ADGRL1: variants seen among roughly 807,000 people sequenced by gnomAD.
The protein encoded by ADGRL1 is adhesion G protein-coupled receptor L1.
ADGRL1 carries 31 observed loss-of-function variants against 148.9 expected under a neutral mutation model. The ratio of observed to expected loss-of-function variants is 0.21; its 90% confidence interval spans 0.16 to 0.28. The LOEUF is 0.28. ADGRL1 is among the 10% of genes least tolerant of loss of function. The probability of loss-of-function intolerance (pLI) is 1.00; values close to 1 mark genes in which losing one functional copy is unlikely to be tolerated. For missense variants in ADGRL1, 1,521 were observed against 2,058.8 expected, an observed-to-expected ratio of 0.74 and a Z score of 5.05; for synonymous variants, 937 against 900.3, an observed-to-expected ratio of 1.04 and a Z score of -0.73.
At chr19:14,156,002 T>C (rs1968694545) in intron 17 of ADGRL1, 108 bp downstream of exon 17, 1 of 795,652 alleles carries the variant, frequency 1.3e-6, no homozygotes, top group Non-Finnish European at 2.1e-6. Context: ...TTGCAATGTG[T>C]GTCACCAGAG....
At chr19:14,203,795 G>T (rs955446331) in intron 1 of ADGRL1, among the ~76,000 whole-genome samples, 39 of 149,992 alleles carry the variant, frequency 2.6e-4, no homozygotes, top group Admixed American at 8.0e-4. Context: ...CCAAGAGCAG[G>T]AATCAGCGTG....
chr19:14,163,465 G>GGGGAGAGAGAGAGA (rs1555785179), intron 4 of ADGRL1, 59 bp from the exon 5 acceptor site: 3 of 702,290 alleles, frequency 4.3e-6, no homozygotes, highest in Middle Eastern at 3.9e-4. Flanking sequence ...GCGAGAGGGA[G>GGGGAGAGAGAGAGA]GAGAGAGAGA....
chr19:14,157,602 C>T lies in ADGRL1; in HGVS notation c.2536-142G>A. ...GCCGCCAACCTGGCAGCCCTCACCC[C>T]TCTGCACGCAGCAATGCGCTCACTT... On this transcript the variant is annotated intron_variant, in intron 13 of 22. Coordinates refer to ENST00000361434, the MANE Select transcript of ADGRL1 (RefSeq NM_014921.5). The surrounding 1 kb of genome is among the most constrained non-coding windows in gnomAD (Gnocchi z 7.5). 2.4e-6 allele frequency: 2 copies of T among 834,596 alleles called. No homozygotes were observed. The highest frequency in any genetic ancestry group is 3.8e-6 in the Non-Finnish European group (2 of 530,246). The allele number at this position is 834,596 out of a possible 1,614,324, so 51.7% of individuals were successfully genotyped here. A position where few individuals can be genotyped will look rare whatever the true frequency, so the allele number is the denominator to read the frequency against.
At chr19:14,182,394 A>G (rs572328738) in intron 2 of ADGRL1, among the ~76,000 whole-genome samples, 2 of 152,322 alleles carry the variant, frequency 1.3e-5, no homozygotes, top group South Asian at 4.1e-4. Flanking sequence ...CCAGGGACCC[A>G]GATGCCCCAA....
At chr19:14,164,257 C>T (rs544457103) in intron 4 of ADGRL1, among the ~76,000 whole-genome samples, 147 of 152,088 alleles carry the variant, frequency 9.7e-4, no homozygotes, top group Admixed American at 3.1e-3. Context: ...CAGCAGCAGA[C>T]AGTGGCACTG....
At chr19:14,172,806 CCT>C (rs1360970724) in intron 3 of ADGRL1, among the ~76,000 whole-genome samples, 2 of 152,136 alleles carry the variant, frequency 1.3e-5, no homozygotes, top group African/African-American at 2.4e-5. Flanking sequence ...GTATTTGCTC[CCT>C]GTCTGTTAGT....
At chr19:14,190,987 C>G (rs1971895338) in intron 1 of ADGRL1, 1 of 418,010 alleles carries the variant, frequency 2.4e-6, no homozygotes, top group African/African-American at 2.0e-5. Flanking sequence ...ACTCGGGAGG[C>G]TGAGGTAGGA....
intron 1 of ADGRL1, among the ~76,000 whole-genome samples, chr19:14,204,694 TAGAGAAAGACAGAGAGAGTGAGA>T: frequency 7.6e-6 from 1 of 130,832 alleles, no homozygotes; most frequent in African/African-American, 3.1e-5. Context: ...CAGAGAGAGA[TAGAGAAAGACAGAGAGAGTGAGA>T]GAGAGAGAGA....
At position 14,152,232 on chromosome 19, in the gene ADGRL1, A is replaced by T; in HGVS notation, c.3649+77T>A. The T allele has an allele frequency of 1.2e-6, 2 of 1,614,016 alleles. No individual in the cohort carries two copies. Among genetic ancestry groups the T allele is most frequent in the Non-Finnish European group, 8.5e-7 (1 of 1,179,966 alleles). The stretch of plus-strand genomic sequence containing the variant: ...AGTCCAGGCTCCAGTTCTGGGGCAC[A>T]GAACATCCCATGCAGAGGTCCCTTG... On this transcript the variant is annotated intron_variant, in intron 21 of 22. Coordinates refer to ENST00000361434, the MANE Select transcript of ADGRL1 (RefSeq NM_014921.5). This position sits in a 1 kb window ranked among gnomAD's most constrained non-coding sequence, Gnocchi z 6.1.
chr19:14,162,519 G>C lies in ADGRL1; in HGVS notation c.1195+87C>G. 1 of 1,205,754 alleles carries C rather than the reference G, an allele frequency of 8.3e-7. No individual in the cohort carries two copies. Among genetic ancestry groups the C allele is most frequent in the Admixed American group, 1.9e-5 (1 of 51,310 alleles). 74.7% of individuals were successfully genotyped at this position (1,205,754 alleles called of 1,614,324 possible). On this transcript the variant is annotated intron_variant, in intron 5 of 22. Transcript: ENST00000361434. The surrounding 1 kb of genome is among the most constrained non-coding windows in gnomAD (Gnocchi z 5.4). ...CGATCCCCAAGAGCTCACAGGATGGGGCTCCCCACTCTGGGACCCAGGGGT... is the reference window on the plus strand; with the variant it reads ...CGATCCCCAAGAGCTCACAGGATGGCGCTCCCCACTCTGGGACCCAGGGGT...
At chr19:14,167,081 T>A (rs968420413) in intron 4 of ADGRL1, 1 of 1,473,196 alleles carries the variant, frequency 6.8e-7, no homozygotes, top group East Asian at 2.3e-5. Context: ...AAAAAAAATG[T>A]GCAAGAAAAA....
chr19:14,149,812 GAGA>G lies in ADGRL1; in HGVS notation c.*1058_*1060del, dbSNP rs1967977200. 1 of 152,390 alleles carries G rather than the reference GAGA, an allele frequency of 6.6e-6. No homozygotes were observed. Among genetic ancestry groups the G allele is most frequent in the Non-Finnish European group, 1.5e-5 (1 of 67,936 alleles). The allele number at this position is 152,390 out of a possible 1,614,324, so 9.4% of individuals were successfully genotyped here. A position where few individuals can be genotyped will look rare whatever the true frequency, so the allele number is the denominator to read the frequency against. On this transcript the variant is annotated 3_prime_UTR_variant, in exon 23 of 23. Coordinates refer to ENST00000361434, the MANE Select transcript of ADGRL1 (RefSeq NM_014921.5). ...CGGGGACTGGGGATGCACGTACACGGAGAAGTCCTGGCTGCCAGGCCAGCAGCG... is the reference window on the plus strand; with the variant it reads ...CGGGGACTGGGGATGCACGTACACGGAGTCCTGGCTGCCAGGCCAGCAGCG...
Position 14,156,728 on chromosome 19 carries a change from T to C in ADGRL1, c.2967-4A>G, listed in dbSNP as rs751490168. On this transcript the variant is annotated splice_polypyrimidine_tract_variant and splice_region_variant and intron_variant, in intron 15 of 22. Coordinates refer to ENST00000361434, the MANE Select transcript of ADGRL1 (RefSeq NM_014921.5). Reference sequence around the variant, plus strand: ...ATTGTCCACTCGGAGCCAGCAGCTGTAAAGGAAACAGGGCCGGGGTATAGA... The same window carrying C: ...ATTGTCCACTCGGAGCCAGCAGCTGCAAAGGAAACAGGGCCGGGGTATAGA... 3.0e-5 allele frequency: 48 copies of C among 1,607,588 alleles called. No homozygotes were observed. Among genetic ancestry groups the C allele is most frequent in the Non-Finnish European group, 3.9e-5 (46 of 1,177,212 alleles).
chr19:14,205,718 T>C (rs1972956675), intron 1 of ADGRL1, among the ~76,000 whole-genome samples: 1 of 141,290 alleles, frequency 7.1e-6, no homozygotes, highest in Non-Finnish European at 1.5e-5. Flanking sequence ...CCAGGCACCC[T>C]GCGGTAGCCC....
At chr19:14,156,588 C>T in intron 16 of ADGRL1, 70 bp downstream of exon 16, 1 of 1,027,650 alleles carries the variant, frequency 9.7e-7, no homozygotes. Flanking sequence ...GGGGCGGGGG[C>T]AGGGGCTGGG....
intron 3 of ADGRL1, 197 bp from the exon 4 acceptor site, chr19:14,170,988 G>A (rs1274581369): frequency 7.5e-6 from 4 of 535,804 alleles, no homozygotes; most frequent in Non-Finnish European, 6.8e-6. Context: ...AGTGTTGGAG[G>A]TGGGGCCTGG....
intron 1 of ADGRL1, among the ~76,000 whole-genome samples, chr19:14,185,549 C>T (rs1013812549): frequency 6.6e-6 from 1 of 152,168 alleles, no homozygotes; most frequent in East Asian, 1.9e-4. Flanking sequence ...CCACCTCAGT[C>T]TCCCAAAGTG....
At position 14,158,512 on chromosome 19, in the gene ADGRL1, G is replaced by A. The variant is rs1969003480; in HGVS notation, c.2190C>T (p.Gly730=). Reference sequence around the variant, plus strand: ...TGGCATTCTCCGTGGACAGGAAGAGGCCCAGGTTGTTGTAGAGGATGAAGA... The same window carrying A: ...TGGCATTCTCCGTGGACAGGAAGAGACCCAGGTTGTTGTAGAGGATGAAGA... ...KVVFILYNNL[G]LFLSTENATV... Residue 730 remains glycine (G), a synonymous_variant, in exon 12 of 23, where the codon GGC becomes GGT. Transcript: ENST00000361434. 2 of 1,613,968 alleles carry A rather than the reference G, an allele frequency of 1.2e-6. No homozygotes were observed. The highest frequency in any genetic ancestry group is 2.7e-5 in the African/African-American group (2 of 74,932).
Position 14,162,739 on chromosome 19 carries a change from G to A in ADGRL1, c.1062C>T (p.Ser354=), listed in dbSNP as rs768253818. ...NTNANREEPV[S]LTFPNPYQFI... is the part of the protein sequence containing the mutation. ...ACTGGTAGGGGTTGGGGAAGGTGAG[G>A]CTGACAGGCTCCTCGCGGTTGGCAT... Residue 354 remains serine (S), a synonymous_variant, in exon 5 of 23, where the codon AGC becomes AGT. Coordinates refer to ENST00000361434, the MANE Select transcript of ADGRL1 (RefSeq NM_014921.5). This position sits in a 1 kb window ranked among gnomAD's most constrained non-coding sequence, Gnocchi z 5.4. The A allele has an allele frequency of 1.3e-5, 21 of 1,614,110 alleles. No individual in the cohort carries two copies. The highest frequency in any genetic ancestry group is 1.8e-5 in the Non-Finnish European group (21 of 1,180,048).
Sources: allele counts gnomAD v4.1 joint callset (sites outside exome capture counted in the v4.1 genomes callset), GRCh38; gene constraint gnomAD v4.1.1; non-coding constraint Gnocchi (gnomAD v3.1); transcripts MANE v1.5; gene names NCBI Gene and HGNC (gene_info 2026-07-23, HGNC 2026-07-21).